The following RAB27A variants were observed in gnomAD, a reference collection of about 807,000 sequenced individuals.
RAB27A encodes ras-related protein Rab-27A.
In RAB27A, 17 loss-of-function variants were observed where a neutral mutation model predicts 20.8. The observed-to-expected ratio is 0.82, with a 90% CI of 0.56 to 1.23. The LOEUF (loss-of-function observed/expected upper bound fraction) is 1.23. Ranked by LOEUF, RAB27A falls within the 50% of genes most tolerant of loss-of-function variation. The probability of loss-of-function intolerance (pLI) is 0.00; values close to 1 mark genes in which losing one functional copy is unlikely to be tolerated. For synonymous variants in RAB27A, 85 were observed against 92.8 expected, an observed-to-expected ratio of 0.92 and a Z score of 0.48; for missense variants, 277 against 266.7, an observed-to-expected ratio of 1.04 and a Z score of -0.27.
At chr15:55,242,381 T>A (rs894173503) in intron 2 of RAB27A, among the ~76,000 whole-genome samples, 8 of 152,172 alleles carry the variant, frequency 5.3e-5, no homozygotes, top group African/African-American at 1.9e-4. Context: ...CTTTGTATGA[T>A]CTGATCCAAG....
intron 6 of RAB27A, among the ~76,000 whole-genome samples, chr15:55,213,034 C>T (rs1895104083): frequency 1.3e-5 from 2 of 152,186 alleles, no homozygotes; most frequent in Non-Finnish European, 2.9e-5. Flanking sequence ...ATTCACCTTG[C>T]TTTTCAATAA....
intron 2 of RAB27A, among the ~76,000 whole-genome samples, chr15:55,258,145 C>T (rs1897150426): frequency 6.6e-6 from 1 of 151,786 alleles, no homozygotes; most frequent in South Asian, 2.1e-4. Flanking sequence ...TTCTCTGCAC[C>T]TCTCACTCTC....
intron 2 of RAB27A, among the ~76,000 whole-genome samples, chr15:55,262,184 T>C (rs1897292710): frequency 6.6e-6 from 1 of 152,170 alleles, no homozygotes; most frequent in South Asian, 2.1e-4. Flanking sequence ...ATTCCAGCAA[T>C]CTGTTAAACA....
At chr15:55,290,472 C>T (rs1219193834), upstream of RAB27A, 2 of 152,278 alleles carry the variant, frequency 1.3e-5, no homozygotes, top group Admixed American at 1.3e-4. Context: ...GAGGAAATGG[C>T]AAACGGAGTC....
chr15:55,302,683 G>T (rs1002049356), intron 2 of RAB27A, among the ~76,000 whole-genome samples: 1 of 114,728 alleles, frequency 8.7e-6, no homozygotes, highest in Non-Finnish European at 1.7e-5. Flanking sequence ...GTCTCTGCCC[G>T]GCCGCCCATC....
chr15:55,300,431 G>A (rs118176988), intron 2 of RAB27A, among the ~76,000 whole-genome samples: 7,749 of 152,156 alleles, frequency 0.051, 272 homozygotes, highest in East Asian at 0.15. Flanking sequence ...TGTAATTTCA[G>A]CACTTTGGGA....
At chr15:55,207,499 C>T (rs1170233140) in intron 6 of RAB27A, among the ~76,000 whole-genome samples, 1 of 152,166 alleles carries the variant, frequency 6.6e-6, no homozygotes, top group African/African-American at 2.4e-5. Context: ...CTGCAGGTGC[C>T]ATCCTATGAA....
chr15:55,314,278 T>C (rs1448211223), intron 1 of RAB27A: 1 of 152,168 alleles, frequency 6.6e-6, no homozygotes, highest in Non-Finnish European at 1.5e-5. Context: ...CATGTTGATT[T>C]AGATAAAGAA....
chr15:55,242,744 T>C (rs1349709769), intron 2 of RAB27A, among the ~76,000 whole-genome samples: 1 of 152,170 alleles, frequency 6.6e-6, no homozygotes, highest in Non-Finnish European at 1.5e-5. Context: ...GAGTTGTATC[T>C]GGGTGATTTT....
intron 6 of RAB27A, among the ~76,000 whole-genome samples, chr15:55,210,189 A>G (rs866435310): frequency 3.2e-5 from 4 of 126,498 alleles, no homozygotes; most frequent in African/African-American, 1.6e-4. Flanking sequence ...ACACATATGT[A>G]TGTGTGTATA....
At chr15:55,261,257 C>T (rs749524164) in intron 2 of RAB27A, among the ~76,000 whole-genome samples, 4 of 150,510 alleles carry the variant, frequency 2.7e-5, no homozygotes, top group Non-Finnish European at 5.9e-5. Flanking sequence ...ATTAGCCAGG[C>T]GCGGTGGCAG....
chr15:55,267,001 G>A (rs558967727), intron 2 of RAB27A, among the ~76,000 whole-genome samples: 7 of 152,292 alleles, frequency 4.6e-5, no homozygotes, highest in African/African-American at 1.7e-4. Flanking sequence ...AGTGAAGAGA[G>A]AACAAAAATG....
intron 1 of RAB27A, among the ~76,000 whole-genome samples, chr15:55,286,860 C>G (rs1898167764): frequency 6.7e-6 from 1 of 148,870 alleles, no homozygotes; most frequent in Non-Finnish European, 1.5e-5. Flanking sequence ...GATGATAGAA[C>G]TTGGTGGAAG....
Position 55,210,302 on chromosome 15 carries a change from C to G in RAB27A, c.468-4597G>C, listed in dbSNP as rs182959199. Among the ~76,000 whole-genome samples the G allele has an allele frequency of 2.2e-3, 325 of 149,666 alleles. 2 individuals are homozygous for G. Among genetic ancestry groups the G allele is most frequent in the African/African-American group, 7.7e-3 (313 of 40,428 alleles). Reference sequence around the variant, plus strand: ...TTTAGTTTTTTTTTTTAAGAACATCCATACTTTTCTCCACAGTGCTTATGC... The same window carrying G: ...TTTAGTTTTTTTTTTTAAGAACATCGATACTTTTCTCCACAGTGCTTATGC... On this transcript the variant is annotated intron_variant, in intron 6 of 6. Coordinates refer to ENST00000336787, the MANE Select transcript of RAB27A (RefSeq NM_183235.3).
chr15:55,229,019 A>G (rs1447605460), intron 4 of RAB27A, among the ~76,000 whole-genome samples: 1 of 152,166 alleles, frequency 6.6e-6, no homozygotes, highest in Non-Finnish European at 1.5e-5. Flanking sequence ...ATGTTTTCCT[A>G]TTGTGAAAGC....
chr15:55,252,553 G>A (rs1422676454), intron 2 of RAB27A, among the ~76,000 whole-genome samples: 4 of 152,118 alleles, frequency 2.6e-5, no homozygotes, highest in Non-Finnish European at 4.4e-5. Flanking sequence ...AGTGAGCCAA[G>A]ATCGCACTAC....
At chr15:55,246,864 G>A (rs1434542969) in intron 2 of RAB27A, among the ~76,000 whole-genome samples, 1 of 151,942 alleles carries the variant, frequency 6.6e-6, no homozygotes, top group African/African-American at 2.4e-5. Flanking sequence ...TGCTCCCACT[G>A]AGTGGTTGCT....
chr15:55,225,250 C>T (rs927409186), intron 5 of RAB27A, among the ~76,000 whole-genome samples: 1 of 152,218 alleles, frequency 6.6e-6, no homozygotes, highest in African/African-American at 2.4e-5. Context: ...ATGCTATGAG[C>T]ACAGACTCAG....
chr15:55,220,806 C>T (rs990009537), intron 6 of RAB27A, among the ~76,000 whole-genome samples: 6 of 152,104 alleles, frequency 3.9e-5, no homozygotes, highest in African/African-American at 1.4e-4. Flanking sequence ...AAGTTATATG[C>T]CATATTTGTG....
Sources: allele counts gnomAD v4.1 joint callset (sites outside exome capture counted in the v4.1 genomes callset), GRCh38; gene constraint gnomAD v4.1.1; transcripts MANE v1.5; gene names NCBI Gene and HGNC (gene_info 2026-07-23, HGNC 2026-07-21).